The following COG5 variants were observed in gnomAD, a reference collection of about 807,000 sequenced individuals.
The protein encoded by COG5 is conserved oligomeric Golgi complex subunit 5.
Under a neutral mutation model 110.4 loss-of-function variants are expected in COG5, and 86 were observed. That is an observed-to-expected ratio of 0.78 (90% confidence interval 0.65 to 0.93). The LOEUF (loss-of-function observed/expected upper bound fraction) is 0.93. Among genes scored for constraint, COG5 ranks in the 40% least tolerant of loss-of-function variants. The probability of loss-of-function intolerance (pLI) is 0.00; values close to 1 mark genes in which losing one functional copy is unlikely to be tolerated. For missense variants in COG5, 1,077 were observed against 987.0 expected (o/e 1.09, Z -1.22); for synonymous variants, 360 against 334.6 (o/e 1.08, Z -0.83).
intron 14 of COG5, among the ~76,000 whole-genome samples, chr7:107,264,672 G>T (rs186315923): frequency 7.2e-5 from 11 of 152,146 alleles, no homozygotes; most frequent in African/African-American, 2.2e-4. Flanking sequence ...CAGCCCGAGC[G>T]ACAGATCCAG....
Position 107,345,293 on chromosome 7 carries a change from G to A in COG5, c.1026+16740C>T, listed in dbSNP as rs547161426. On this transcript the variant is annotated intron_variant, in intron 10 of 21. Coordinates refer to ENST00000297135, the MANE Select transcript of COG5 (RefSeq NM_006348.5). ...ATAACAAAAAAATTTGAAATATTGC[G>A]ACAATATTACCAAAAGTGACATGGA... 2.6e-5 allele frequency among the ~76,000 whole-genome samples: 4 copies of A among 152,148 alleles called. No homozygotes were observed. The South Asian group carries it at 6.2e-4, about 24-fold the overall frequency.
rs375811724 is a variant in COG5 at position 107,419,243 on chromosome 7, CA to C, written c.539-6612del. Reference sequence around the variant, plus strand: ...CAAATGGCTTATAGAGAACAGAGAACATAATAATGTGGGCTTAAAATTTTAA... The same window carrying C: ...CAAATGGCTTATAGAGAACAGAGAACTAATAATGTGGGCTTAAAATTTTAA... On this transcript the variant is annotated intron_variant, in intron 6 of 21. Transcript: ENST00000297135. Among the ~76,000 whole-genome samples the C allele has an allele frequency of 7.9e-3, 1,202 of 151,996 alleles. 4 individuals carry two copies. Among genetic ancestry groups the C allele is most frequent in the Non-Finnish European group, 0.011 (725 of 67,954 alleles).
intron 16 of COG5, among the ~76,000 whole-genome samples, chr7:107,250,065 T>C (rs1046974972): frequency 7.2e-5 from 11 of 152,120 alleles, no homozygotes; most frequent in African/African-American, 2.7e-4. Flanking sequence ...TGATGGGTTT[T>C]AAGCAATAGA....
intron 12 of COG5, among the ~76,000 whole-genome samples, chr7:107,296,950 A>G (rs950115199): frequency 6.6e-6 from 1 of 152,216 alleles, no homozygotes; most frequent in Admixed American, 6.5e-5. Context: ...TGTGAAAGCC[A>G]ATCACTTGAT....
chr7:107,330,952 A>C (rs544485237), intron 10 of COG5, among the ~76,000 whole-genome samples: 1 of 151,798 alleles, frequency 6.6e-6, no homozygotes, highest in East Asian at 1.9e-4. Flanking sequence ...CCTCCTGAGT[A>C]GTTGGGACTA....
At chr7:107,329,928 C>G (rs956298301) in intron 10 of COG5, among the ~76,000 whole-genome samples, 3 of 152,134 alleles carry the variant, frequency 2.0e-5, no homozygotes, top group African/African-American at 7.2e-5. Context: ...ATTGTCAAAA[C>G]TACATCACAT....
intron 6 of COG5, among the ~76,000 whole-genome samples, chr7:107,499,627 G>A (rs943747705): frequency 2.0e-5 from 3 of 151,882 alleles, no homozygotes; most frequent in African/African-American, 4.8e-5. Flanking sequence ...AGCTGGTCTC[G>A]AACTCCTGAC....
intron 21 of COG5, chr7:107,208,188 C>A: frequency 2.0e-6 from 2 of 985,364 alleles, no homozygotes; most frequent in Non-Finnish European, 2.4e-6. Flanking sequence ...CCCTGAAGGA[C>A]AGCTCAATTT....
chr7:107,383,398 C>T (rs907036213), intron 7 of COG5, among the ~76,000 whole-genome samples: 4 of 152,168 alleles, frequency 2.6e-5, no homozygotes, highest in Non-Finnish European at 5.9e-5. Flanking sequence ...TCATTCCTGA[C>T]AAGCCAACCC....
intron 11 of COG5, among the ~76,000 whole-genome samples, chr7:107,301,494 C>G (rs1425863775): frequency 6.6e-6 from 1 of 152,088 alleles, no homozygotes. Context: ...AATACTCAAC[C>G]TCTTTAGTCA....
chr7:107,393,101 A>C (rs1790742618), intron 7 of COG5, among the ~76,000 whole-genome samples: 1 of 152,232 alleles, frequency 6.6e-6, no homozygotes, highest in Non-Finnish European at 1.5e-5. Flanking sequence ...ATTACAGTTT[A>C]GGTCAATAAA....
chr7:107,447,666 T>C (rs943449107), intron 6 of COG5, among the ~76,000 whole-genome samples: 2 of 152,178 alleles, frequency 1.3e-5, no homozygotes, highest in South Asian at 4.1e-4. Context: ...TCAATAACCA[T>C]ATATTATCTA....
rs71134260 is a variant in COG5 at position 107,311,370 on chromosome 7, A to ATTTTTTT, written c.1109-13031_1109-13025dup. 1.3e-3 allele frequency among the ~76,000 whole-genome samples: 75 copies of ATTTTTTT among 58,952 alleles called. 9 individuals carry two copies. The highest frequency in any genetic ancestry group is 1.9e-3 in the Non-Finnish European group (62 of 32,840). 38.7% of individuals were successfully genotyped at this position (58,952 alleles called of 152,430 possible). The stretch of plus-strand genomic sequence containing the variant: ...TATAAGTGATATCGAGCGTATTTAC[A>ATTTTTTT]TTTTTTTTTTTTTTTTTTTTTTTTT... On this transcript the variant is annotated intron_variant, in intron 11 of 21. Transcript: ENST00000297135.
chr7:107,208,922 G>T (rs988598308), intron 21 of COG5: 6 of 985,284 alleles, frequency 6.1e-6, no homozygotes, highest in Admixed American at 6.1e-5. Context: ...TATGGCAGGG[G>T]TTCACGCCCT....
intron 7 of COG5, among the ~76,000 whole-genome samples, chr7:107,393,150 C>A (rs1216160221): frequency 6.6e-6 from 1 of 152,160 alleles, no homozygotes; most frequent in African/African-American, 2.4e-5. Flanking sequence ...TTTCTCACTG[C>A]ATAAGAAATA....
chr7:107,481,013 C>T (rs1797307761), intron 6 of COG5: 1 of 152,118 alleles, frequency 6.6e-6, no homozygotes, highest in Non-Finnish European at 1.5e-5. Flanking sequence ...CCATGGCTTT[C>T]AAATATGACA....
At chr7:107,552,369 T>A (rs1482322353) in intron 3 of COG5, among the ~76,000 whole-genome samples, 1 of 152,172 alleles carries the variant, frequency 6.6e-6, no homozygotes, top group African/African-American at 2.4e-5. Context: ...GTGAAAATGT[T>A]TGCAAACTAT....
At chr7:107,350,216 T>C (rs1812014289) in intron 10 of COG5, among the ~76,000 whole-genome samples, 1 of 152,194 alleles carries the variant, frequency 6.6e-6, no homozygotes, top group African/African-American at 2.4e-5. Flanking sequence ...CCTCCGTAAT[T>C]TTTAAATTTC....
chr7:107,335,758 G>T (rs552981774), intron 10 of COG5, among the ~76,000 whole-genome samples: 1 of 152,076 alleles, frequency 6.6e-6, no homozygotes, highest in East Asian at 1.9e-4. Context: ...CACATGAACT[G>T]AATGTAAAGG....
Sources: gnomAD v4.1 joint callset for allele counts (sites outside exome capture counted in the v4.1 genomes callset) on GRCh38, gnomAD v4.1.1 for gene constraint, MANE v1.5 for transcripts, NCBI Gene and HGNC (gene_info 2026-07-23, HGNC 2026-07-21) for gene names.